The following WNK1 variants were observed in gnomAD, a reference collection of about 807,000 sequenced individuals.
WNK1 encodes the protein WNK lysine deficient protein kinase 1, also known as serine/threonine-protein kinase WNK1.
WNK1 carries 38 observed loss-of-function variants against 222.8 expected under a neutral mutation model. The ratio of observed to expected loss-of-function variants is 0.17; its 90% CI spans 0.13 to 0.22. The LOEUF is 0.22. Ranked by LOEUF, WNK1 falls within the 10% of genes least tolerant of loss-of-function variation. The probability of loss-of-function intolerance (pLI) is 1.00; values close to 1 mark genes in which losing one functional copy is unlikely to be tolerated. For synonymous variants in WNK1, 1,090 were observed against 1,092.9 expected (o/e 1.00, Z 0.05); for missense variants, 2,348 against 2,918.4 (o/e 0.80, Z 4.50).
In WNK1 at chr12:868,453, A is replaced by G. The variant is rs773219964; in HGVS notation, c.2140-2812A>G. ...CATCTGGACAGGCTTTCCTGGTAGG[A>G]CACCTTCAGAATCTAAGATTAGATT... On this transcript the variant is annotated intron_variant, in intron 8 of 27. Coordinates refer to ENST00000315939, the MANE Select transcript of WNK1 (RefSeq NM_018979.4). 1.9e-6 allele frequency: 3 copies of G among 1,613,936 alleles called. No homozygotes were observed. The highest frequency in any genetic ancestry group is 3.3e-5 in the Admixed American group (2 of 60,020).
chr12:857,120 G>C (rs751179098), intron 4 of WNK1, 41 bp from the exon 5 acceptor site: 4 of 1,588,330 alleles, frequency 2.5e-6, no homozygotes, highest in Non-Finnish European at 3.5e-6. Flanking sequence ...AAAGTTCAAA[G>C]GCCCTGCTTT....
chr12:758,404 G>A (rs1426290884), intron 1 of WNK1, among the ~76,000 whole-genome samples: 1 of 73,732 alleles, frequency 1.4e-5, no homozygotes, highest in Admixed American at 2.1e-4. Flanking sequence ...TTTTTGAGAC[G>A]GAGTCTCGCT....
rs527325044 is a variant in WNK1, at chr12:866,432, G to A, written c.2139+4162G>A. ...GGCTGGAGTGCAGTGGCACGATCTC[G>A]ACTCACGGCAACCTCTGCCTCCTGG... On this transcript the variant is annotated intron_variant, in intron 8 of 27. Coordinates refer to ENST00000315939, the MANE Select transcript of WNK1 (RefSeq NM_018979.4). Among the ~76,000 whole-genome samples the A allele has an allele frequency of 1.1e-4, 16 of 152,280 alleles. 1 individual carries two copies. The highest frequency in any genetic ancestry group is 1.6e-4 in the Non-Finnish European group (11 of 68,016).
intron 2 of WNK1, among the ~76,000 whole-genome samples, chr12:826,813 G>A (rs1948394142): frequency 6.6e-6 from 1 of 152,088 alleles, no homozygotes; most frequent in African/African-American, 2.4e-5. Flanking sequence ...TCATTGTTTA[G>A]ATGAAAAAGC....
At chr12:904,040 A>G (rs1004596316) in intron 26 of WNK1, among the ~76,000 whole-genome samples, 10 of 152,240 alleles carry the variant, frequency 6.6e-5, no homozygotes, top group Non-Finnish European at 1.3e-4. Context: ...TTGCTAATGC[A>G]TTTAACTGAG....
At chr12:904,383 T>C in intron 26 of WNK1, 1 of 1,224,568 alleles carries the variant, frequency 8.2e-7, no homozygotes, top group Non-Finnish European at 1.1e-6. Flanking sequence ...GTGTGCTGTT[T>C]GGAGATTCTA....
chr12:847,801 CT>C (rs898832948), intron 4 of WNK1, among the ~76,000 whole-genome samples: 2,100 of 68,706 alleles, frequency 0.031, 28 homozygotes, highest in African/African-American at 0.1. Context: ...GATTAATTCT[CT>C]TTTTTTTTTT....
chr12:820,618 G>C (rs932946906), intron 2 of WNK1, among the ~76,000 whole-genome samples: 1 of 151,938 alleles, frequency 6.6e-6, no homozygotes, highest in South Asian at 2.1e-4. Context: ...GGGACTCCAG[G>C]TGTGTACCAC....
chr12:855,466 C>G (rs1384644055), intron 4 of WNK1, among the ~76,000 whole-genome samples: 1 of 152,142 alleles, frequency 6.6e-6, no homozygotes, highest in African/African-American at 2.4e-5. Context: ...GACTTTAGAG[C>G]TTATCATTTT....
At chr12:818,643 C>T (rs911405355) in intron 2 of WNK1, among the ~76,000 whole-genome samples, 5 of 152,220 alleles carry the variant, frequency 3.3e-5, no homozygotes, top group Admixed American at 2.6e-4. Context: ...TCCCAACCCT[C>T]AGCTCCTGAC....
intron 1 of WNK1, among the ~76,000 whole-genome samples, chr12:782,489 T>G (rs1591672400): frequency 6.6e-6 from 1 of 152,202 alleles, no homozygotes; most frequent in African/African-American, 2.4e-5. Context: ...CTGCGGTTCC[T>G]AAGTCTATGA....
At chr12:781,658 A>G (rs1943724860) in intron 1 of WNK1, among the ~76,000 whole-genome samples, 1 of 152,260 alleles carries the variant, frequency 6.6e-6, no homozygotes. Flanking sequence ...GGCATTAGCT[A>G]TAACACAAAC....
At chr12:776,653 C>A (rs1943137741) in intron 1 of WNK1, among the ~76,000 whole-genome samples, 1 of 151,316 alleles carries the variant, frequency 6.6e-6, no homozygotes, top group Non-Finnish European at 1.5e-5. Flanking sequence ...GATGGTCTTG[C>A]TCTCTTGACC....
In WNK1 at chr12:808,324, A is replaced by G. The variant is rs926888524; in HGVS notation, c.760-5318A>G. 7.9e-5 allele frequency among the ~76,000 whole-genome samples: 12 copies of G among 150,998 alleles called. No individual in the cohort carries two copies. The East Asian group carries it at 9.7e-4, about 12-fold the overall frequency. On this transcript the variant is annotated intron_variant, in intron 1 of 27. Coordinates refer to ENST00000315939, the MANE Select transcript of WNK1 (RefSeq NM_018979.4). ...TTTCTTTTGGAGACGGGGTTTTGCT[A>G]TGTTGTAGGCTGGTCTCAAGCTCCT...
At chr12:824,393 C>A (rs1265356412) in intron 2 of WNK1, among the ~76,000 whole-genome samples, 3 of 152,056 alleles carry the variant, frequency 2.0e-5, no homozygotes, top group Admixed American at 6.6e-5. Flanking sequence ...TAATATGGAG[C>A]AGATTGGATT....
chr12:868,055 C>A, intron 8 of WNK1: 1 of 1,614,016 alleles, frequency 6.2e-7, no homozygotes, highest in Non-Finnish European at 8.5e-7. Flanking sequence ...CCAACCCCTG[C>A]TGAGGACTGT....
intron 4 of WNK1, among the ~76,000 whole-genome samples, chr12:844,121 A>T (rs1251316550): frequency 3.3e-5 from 5 of 151,724 alleles, no homozygotes; most frequent in African/African-American, 9.7e-5. Context: ...CTTTTTAAAA[A>T]TTTTCTTTAT....
At chr12:771,362 A>G (rs1016721142) in intron 1 of WNK1, among the ~76,000 whole-genome samples, 2 of 151,974 alleles carry the variant, frequency 1.3e-5, no homozygotes, top group African/African-American at 4.8e-5. Flanking sequence ...TTTAGTGTCC[A>G]TATTCATATC....
At chr12:776,046 A>G (rs1943048284) in intron 1 of WNK1, among the ~76,000 whole-genome samples, 1 of 152,160 alleles carries the variant, frequency 6.6e-6, no homozygotes, top group African/African-American at 2.4e-5. Context: ...GACCCCAAAG[A>G]CAATAAAGAC....
Sources: gnomAD v4.1 joint callset for allele counts (sites outside exome capture counted in the v4.1 genomes callset) on GRCh38, gnomAD v4.1.1 for gene constraint, MANE v1.5 for transcripts, NCBI Gene and HGNC (gene_info 2026-07-23, HGNC 2026-07-21) for gene names.